Variants in GNAI3 observed in about 807,000 individuals in gnomAD.
GNAI3 encodes the protein G protein subunit alpha i3, also known as guanine nucleotide-binding protein G(i) subunit alpha-3.
GNAI3 carries 12 observed loss-of-function variants against 41.8 expected under a neutral mutation model. That is an observed-to-expected ratio of 0.29 (90% CI 0.18 to 0.47). The LOEUF (loss-of-function observed/expected upper bound fraction) is 0.47, where lower values mean the gene tolerates loss of function less well. GNAI3 is among the 20% of genes least tolerant of loss of function. The pLI, the probability that GNAI3 is intolerant of heterozygous loss-of-function variation, is 1.00. For synonymous variants in GNAI3, 132 were observed against 146.5 expected (o/e 0.90, Z 0.71); for missense variants, 360 against 429.6 (o/e 0.84, Z 1.43).
Position 109,592,276 on chromosome 1 carries a change from G to A in GNAI3, c.*22+21G>A, listed in dbSNP as rs757298134. 3.1e-6 allele frequency: 4 copies of A among 1,277,644 alleles called. No homozygotes were observed. In the South Asian group the frequency reaches 4.9e-5, roughly 16 times the overall value. The allele number at this position is 1,277,644 out of a possible 1,614,324, so 79.1% of individuals were successfully genotyped here. ...GAAAGGTAAAGTTTCATACAAGGTA[G>A]TTATAGTGCTACAGTGATGTCTCTT... is the stretch of plus-strand genomic sequence containing the variant. On this transcript the variant is annotated intron_variant, in intron 8 of 8. Coordinates refer to ENST00000369851, the MANE Select transcript of GNAI3 (RefSeq NM_006496.4).
chr1:109,571,202 G>GTGAGT (rs1246141392), intron 1 of GNAI3, among the ~76,000 whole-genome samples: 1 of 152,166 alleles, frequency 6.6e-6, no homozygotes, highest in Non-Finnish European at 1.5e-5. Flanking sequence ...TGAGGTGAGA[G>GTGAGT]TGAGTTGGGG....
At chr1:109,549,090 C>G (rs960730033) in intron 1 of GNAI3, among the ~76,000 whole-genome samples, 21 of 152,034 alleles carry the variant, frequency 1.4e-4, no homozygotes, top group African/African-American at 5.1e-4. Flanking sequence ...AGCAGAGAGA[C>G]TTGGGAGTAT....
rs529087566 is a variant in GNAI3, at chr1:109,567,986, T to G, written c.119-5751T>G. On this transcript the variant is annotated intron_variant, in intron 1 of 8. Coordinates refer to ENST00000369851, the MANE Select transcript of GNAI3 (RefSeq NM_006496.4). Reference sequence around the variant, plus strand: ...AGGGGATAGTGTTTTTTTTTTTTTTTGAGAATTAGCCATCTGTCAGGGTTA... The same window carrying G: ...AGGGGATAGTGTTTTTTTTTTTTTTGGAGAATTAGCCATCTGTCAGGGTTA... 3.5e-3 allele frequency among the ~76,000 whole-genome samples: 515 copies of G among 149,052 alleles called. 2 individuals carry two copies. The highest frequency in any genetic ancestry group is 0.011 in the African/African-American group (454 of 40,154).
chr1:109,555,710 T>G (rs1648120355), intron 1 of GNAI3, among the ~76,000 whole-genome samples: 1 of 152,078 alleles, frequency 6.6e-6, no homozygotes, highest in Non-Finnish European at 1.5e-5. Context: ...TACAAAAAAG[T>G]CTTTTAGTTT....
intron 1 of GNAI3, among the ~76,000 whole-genome samples, chr1:109,569,718 G>C (rs1571153529): frequency 6.6e-6 from 1 of 152,204 alleles, no homozygotes; most frequent in African/African-American, 2.4e-5. Context: ...CTCAGGAGAA[G>C]ATATTAGTGT....
At position 109,582,810 on chromosome 1, in the gene GNAI3, C is replaced by T. The variant is rs193028978; in HGVS notation, c.590+245C>T. The stretch of plus-strand genomic sequence containing the variant: ...ATTCAAAAATAAATTTAACTTGCCT[C>T]CCAGTAAAATTTTTCCTGTGATAAC... On this transcript the variant is annotated intron_variant, in intron 5 of 8. Coordinates refer to ENST00000369851, the MANE Select transcript of GNAI3 (RefSeq NM_006496.4). Among the ~76,000 whole-genome samples, 7 of 152,272 alleles carry T rather than the reference C, an allele frequency of 4.6e-5. No individual in the cohort carries two copies. The East Asian group carries it at 1.3e-3, about 29-fold the overall frequency.
At chr1:109,559,083 C>T (rs1402408927) in intron 1 of GNAI3, among the ~76,000 whole-genome samples, 2 of 151,744 alleles carry the variant, frequency 1.3e-5, no homozygotes, top group Non-Finnish European at 1.5e-5. Flanking sequence ...GAGGCTGAGG[C>T]GGGAGAATTG....
chr1:109,592,085 A>C lies in GNAI3; in HGVS notation c.917A>C (p.Gln306Pro), dbSNP rs1212484942. The C allele has an allele frequency of 8.1e-6, 13 of 1,612,802 alleles. No individual in the cohort carries two copies. The highest frequency in any genetic ancestry group is 1.0e-5 in the Non-Finnish European group (12 of 1,178,994). The change falls in exon 8 of 9, where the codon CAG (glutamine) becomes CCG (proline). Residue 306 changes from glutamine to proline, a missense_variant. Gln to Pro is a moderately conservative substitution (Grantham distance 76). Transcript: ENST00000369851. ...YEEAAAYIQCQFEDLNRRKDT... is the reference protein window; with the variant it reads ...YEEAAAYIQCPFEDLNRRKDT... ...GAGGCAGCTGCCTATATTCAATGCCAGTTTGAAGATCTGAACAGAAGAAAA... is the reference window on the plus strand; with the variant it reads ...GAGGCAGCTGCCTATATTCAATGCCCGTTTGAAGATCTGAACAGAAGAAAA...
chr1:109,584,141 C>G (rs1258904693), intron 5 of GNAI3, among the ~76,000 whole-genome samples: 2 of 152,136 alleles, frequency 1.3e-5, no homozygotes, highest in African/African-American at 4.8e-5. Flanking sequence ...TCTCTGAAAA[C>G]AACTGTTCCA....
At chr1:109,571,800 C>T (rs1289209929) in intron 1 of GNAI3, among the ~76,000 whole-genome samples, 1 of 152,104 alleles carries the variant, frequency 6.6e-6, no homozygotes, top group Non-Finnish European at 1.5e-5. Context: ...TGCCTGTAGT[C>T]CCAGCTACTC....
At chr1:109,573,219 G>T (rs965044939) in intron 1 of GNAI3, among the ~76,000 whole-genome samples, 14 of 152,142 alleles carry the variant, frequency 9.2e-5, no homozygotes, top group African/African-American at 3.4e-4. Context: ...GGAGGGCAGG[G>T]TGGTCTTGAG....
intron 1 of GNAI3, among the ~76,000 whole-genome samples, chr1:109,566,513 G>GT (rs1648458311): frequency 1.3e-5 from 2 of 152,056 alleles, no homozygotes; most frequent in Admixed American, 6.5e-5. Flanking sequence ...GAAGCAACTG[G>GT]TTTTTTAATT....
At chr1:109,576,762 TC>T (rs1648758445) in intron 3 of GNAI3, among the ~76,000 whole-genome samples, 1 of 152,168 alleles carries the variant, frequency 6.6e-6, no homozygotes, top group Admixed American at 6.5e-5. Context: ...CTTCAGGTGA[TC>T]CATCTGCCTT....
At chr1:109,566,643 C>A (rs996333066) in intron 1 of GNAI3, among the ~76,000 whole-genome samples, 1 of 152,200 alleles carries the variant, frequency 6.6e-6, no homozygotes, top group African/African-American at 2.4e-5. Context: ...CTCACTGCAA[C>A]CTCCACCTCC....
At chr1:109,549,514 A>G (rs1378248359) in intron 1 of GNAI3, among the ~76,000 whole-genome samples, 1 of 152,224 alleles carries the variant, frequency 6.6e-6, no homozygotes. Context: ...TCAAAGTTTT[A>G]TAACGTCTTC....
At chr1:109,555,963 C>CGTGTGTGTGTGTGTGTGT (rs71069692) in intron 1 of GNAI3, among the ~76,000 whole-genome samples, 2 of 144,524 alleles carry the variant, frequency 1.4e-5, no homozygotes, top group African/African-American at 5.2e-5. Flanking sequence ...TGCGTGCGTG[C>CGTGTGTGTGTGTGTGTGT]GTGTGTGTGT....
At chr1:109,590,934 C>A (rs866735814) in intron 7 of GNAI3, among the ~76,000 whole-genome samples, 1 of 152,094 alleles carries the variant, frequency 6.6e-6, no homozygotes, top group Admixed American at 6.6e-5. Context: ...TTTTGTTATG[C>A]TTCACGTTAC....
At chr1:109,567,969 G>A (rs1414781683) in intron 1 of GNAI3, among the ~76,000 whole-genome samples, 2 of 138,550 alleles carry the variant, frequency 1.4e-5, no homozygotes, top group African/African-American at 5.7e-5. Flanking sequence ...TCAGGGGATA[G>A]TGTTTTTTTT....
Position 109,593,530 on chromosome 1 carries a change from G to A in GNAI3, c.*1208G>A, listed in dbSNP as rs1649220587. The A allele has an allele frequency of 6.6e-6, 1 of 152,632 alleles. No individual in the cohort carries two copies. The highest frequency in any genetic ancestry group is 2.4e-5 in the African/African-American group (1 of 41,456). The allele number at this position is 152,632 out of a possible 1,614,324, so 9.5% of individuals were successfully genotyped here. ...AAAGAGCCCAGGTTTGCTCCTGTTT[G>A]TAACTAGTCTTTTCTGGAAATACTG... is the stretch of plus-strand genomic sequence containing the variant. On this transcript the variant is annotated 3_prime_UTR_variant, in exon 9 of 9. Coordinates refer to ENST00000369851, the MANE Select transcript of GNAI3 (RefSeq NM_006496.4).
Sources: gnomAD v4.1 joint callset for allele counts (sites outside exome capture counted in the v4.1 genomes callset) on GRCh38, gnomAD v4.1.1 for gene constraint, MANE v1.5 for transcripts, NCBI Gene and HGNC (gene_info 2026-07-23, HGNC 2026-07-21) for gene names.